TFEC: variants seen among roughly 807,000 people sequenced by gnomAD.
TFEC encodes the protein transcription factor EC.
In TFEC, 31 loss-of-function variants were observed where a neutral mutation model predicts 41.6. The observed-to-expected ratio is 0.74, with a 90% CI of 0.56 to 1.01. The LOEUF (loss-of-function observed/expected upper bound fraction) is 1.01. Ranked by LOEUF, TFEC falls within the 50% of genes least tolerant of loss-of-function variation. TFEC has a pLI of 0.00. For synonymous variants in TFEC, 143 were observed against 140.6 expected (o/e 1.02, Z -0.12); for missense variants, 402 against 404.1 (o/e 0.99, Z 0.04).
intron 3 of TFEC, among the ~76,000 whole-genome samples, chr7:115,957,948 C>A (rs1584584269): frequency 6.6e-6 from 1 of 151,606 alleles, no homozygotes; most frequent in Admixed American, 6.6e-5. Flanking sequence ...GTTGTATATA[C>A]CTGAGGGGAA....
chr7:116,104,543 T>G (rs1797673492), intron 3 of TFEC, among the ~76,000 whole-genome samples: 1 of 152,156 alleles, frequency 6.6e-6, no homozygotes, highest in Admixed American at 6.5e-5. Flanking sequence ...TTCCTTACAT[T>G]TATAACAAAA....
rs1184836112 is a variant in TFEC at position 116,008,578 on chromosome 7, G to A, written c.-73+22055C>T. Reference sequence around the variant, plus strand: ...ATATAAGAGGAAATCTATTTTGGGGGGCTTATGAAACTACTACCTCCTAGG... The same window carrying A: ...ATATAAGAGGAAATCTATTTTGGGGAGCTTATGAAACTACTACCTCCTAGG... On this transcript the variant is annotated intron_variant, in intron 1 of 7. Coordinates refer to ENST00000265440, the MANE Select transcript of TFEC (RefSeq NM_012252.4). 6.6e-5 allele frequency among the ~76,000 whole-genome samples: 10 copies of A among 152,164 alleles called. No homozygotes were observed. In the East Asian group the frequency reaches 7.7e-4, roughly 12 times the overall value.
chr7:115,958,292 G>T (rs1792344002), intron 3 of TFEC, among the ~76,000 whole-genome samples: 1 of 151,854 alleles, frequency 6.6e-6, no homozygotes, highest in South Asian at 2.1e-4. Context: ...CCAAAAAGCA[G>T]ATGTTTTTCT....
At chr7:116,047,046 T>C (rs1320681350) in intron 3 of TFEC, among the ~76,000 whole-genome samples, 2 of 152,194 alleles carry the variant, frequency 1.3e-5, no homozygotes, top group Non-Finnish European at 2.9e-5. Context: ...ATGAATAACC[T>C]GGTTCCAAGA....
intron 1 of TFEC, among the ~76,000 whole-genome samples, chr7:116,148,217 G>C (rs942468776): frequency 6.6e-6 from 1 of 152,128 alleles, no homozygotes; most frequent in African/African-American, 2.4e-5. Flanking sequence ...CAGTGAGCAG[G>C]GGCCAATTTA....
chr7:116,075,517 A>T (rs1483701032), intron 3 of TFEC, among the ~76,000 whole-genome samples: 1 of 152,146 alleles, frequency 6.6e-6, no homozygotes, highest in Non-Finnish European at 1.5e-5. Flanking sequence ...GCCTGGAAAC[A>T]GACTTGGTGC....
chr7:115,976,146 G>A (rs1378331174), intron 2 of TFEC, among the ~76,000 whole-genome samples: 3 of 152,008 alleles, frequency 2.0e-5, no homozygotes, highest in African/African-American at 7.3e-5. Flanking sequence ...GAATTTGGCC[G>A]GGTGCAGTGG....
intron 3 of TFEC, among the ~76,000 whole-genome samples, chr7:116,052,181 G>C (rs995508845): frequency 6.6e-6 from 1 of 151,938 alleles, no homozygotes; most frequent in South Asian, 2.1e-4. Flanking sequence ...CTGAGGATAT[G>C]AGCAGACTCA....
rs1397346312 is a variant in TFEC at position 115,938,153 on chromosome 7, A to C, written c.*2398T>G. ...TCTCAGCCAAGATTGTGAAGGATAG[A>C]TTTCAAGGCCCAGTAGTTGTACCTT... is the stretch of plus-strand genomic sequence containing the variant. On this transcript the variant is annotated 3_prime_UTR_variant, in exon 8 of 8. Coordinates refer to ENST00000265440, the MANE Select transcript of TFEC (RefSeq NM_012252.4). The C allele has an allele frequency of 6.6e-6, 1 of 151,850 alleles. No individual in the cohort carries two copies. The highest frequency in any genetic ancestry group is 1.9e-4 in the East Asian group (1 of 5,148). The allele number at this position is 151,850 out of a possible 1,614,324, so 9.4% of individuals were successfully genotyped here.
intron 1 of TFEC, among the ~76,000 whole-genome samples, chr7:116,141,530 C>A (rs1027267523): frequency 1.3e-5 from 2 of 152,152 alleles, no homozygotes; most frequent in African/African-American, 2.4e-5. Context: ...GACAGAGTCC[C>A]TTGGGTATGA....
chr7:116,111,160 T>C (rs967125813), intron 2 of TFEC, among the ~76,000 whole-genome samples: 3 of 150,798 alleles, frequency 2.0e-5, no homozygotes, highest in Non-Finnish European at 3.0e-5. Context: ...AGCTAACAAT[T>C]GTGTTTGGAG....
intron 3 of TFEC, among the ~76,000 whole-genome samples, chr7:116,110,050 G>C (rs1204459316): frequency 1.3e-5 from 2 of 152,068 alleles, no homozygotes; most frequent in Non-Finnish European, 2.9e-5. Context: ...CACAGGAAGG[G>C]GAACATCACA....
At chr7:116,013,977 G>A (rs548700035) in intron 1 of TFEC, among the ~76,000 whole-genome samples, 1 of 152,012 alleles carries the variant, frequency 6.6e-6, no homozygotes, top group Non-Finnish European at 1.5e-5. Context: ...ATTAACTTTA[G>A]ATGAGTGTTT....
intron 3 of TFEC, among the ~76,000 whole-genome samples, chr7:116,107,092 G>A (rs4730711): frequency 0.12 from 18,909 of 152,126 alleles, 1,290 homozygotes; most frequent in Middle Eastern, 0.18. Flanking sequence ...CTACAGATGC[G>A]ATTTAAGAGA....
At chr7:115,990,114 G>C (rs898144313) in intron 1 of TFEC, among the ~76,000 whole-genome samples, 1 of 152,198 alleles carries the variant, frequency 6.6e-6, no homozygotes, top group East Asian at 1.9e-4. Context: ...AAGGAAAACG[G>C]TGTCTGGAGT....
chr7:116,062,741 G>C (rs1323820450), intron 3 of TFEC, among the ~76,000 whole-genome samples: 2 of 151,870 alleles, frequency 1.3e-5, no homozygotes, highest in African/African-American at 4.8e-5. Flanking sequence ...ACACCTAATA[G>C]TGGGATTGCT....
chr7:116,035,068 C>T (rs545221793), upstream of TFEC, among the ~76,000 whole-genome samples: 11 of 151,928 alleles, frequency 7.2e-5, no homozygotes, highest in South Asian at 1.5e-3. Flanking sequence ...GACAGCTTCA[C>T]GAAGACCAGG....
intron 2 of TFEC, among the ~76,000 whole-genome samples, chr7:116,111,336 A>G (rs901996176): frequency 6.6e-6 from 1 of 152,056 alleles, no homozygotes; most frequent in Admixed American, 6.6e-5. Flanking sequence ...GTGTGCAAGT[A>G]TATTAAAATA....
chr7:115,952,990 C>G (rs1353431152), intron 5 of TFEC, among the ~76,000 whole-genome samples: 1 of 152,090 alleles, frequency 6.6e-6, no homozygotes, highest in Non-Finnish European at 1.5e-5. Context: ...TGCAGACCAC[C>G]TCCCTGGGTC....
Sources: gnomAD v4.1 joint callset for allele counts (sites outside exome capture counted in the v4.1 genomes callset) on GRCh38, gnomAD v4.1.1 for gene constraint, MANE v1.5 for transcripts, NCBI Gene and HGNC (gene_info 2026-07-23, HGNC 2026-07-21) for gene names.